Variants in GRID2 observed in about 807,000 individuals in gnomAD.
The protein encoded by GRID2 is glutamate ionotropic receptor delta type subunit 2.
Under a neutral mutation model 114.8 loss-of-function variants are expected in GRID2, and 33 were observed. The ratio of observed to expected loss-of-function variants is 0.29; its 90% CI spans 0.22 to 0.38. The LOEUF is 0.38. Among genes scored for constraint, GRID2 ranks in the 10% least tolerant of loss-of-function variants. The pLI, the probability that GRID2 is intolerant of heterozygous loss-of-function variation, is 1.00. For missense variants in GRID2, 1,184 were observed against 1,257.7 expected, an observed-to-expected ratio of 0.94 and a Z score of 0.89; for synonymous variants, 505 against 449.9, an observed-to-expected ratio of 1.12 and a Z score of -1.55.
intron 12 of GRID2, among the ~76,000 whole-genome samples, chr4:93,513,434 T>C (rs114239650): frequency 1.3e-5 from 2 of 152,340 alleles, no homozygotes; most frequent in South Asian, 2.1e-4. Context: ...AAGATAATTA[T>C]GGTATGACCT....
At chr4:93,349,174 T>C (rs1760541358) in intron 8 of GRID2, among the ~76,000 whole-genome samples, 2 of 152,108 alleles carry the variant, frequency 1.3e-5, no homozygotes, top group Admixed American at 6.6e-5. Context: ...ATGTCACAAA[T>C]TATATGTTCA....
intron 2 of GRID2, among the ~76,000 whole-genome samples, chr4:93,076,917 G>A (rs763427759): frequency 6.6e-6 from 1 of 151,938 alleles, no homozygotes; most frequent in Admixed American, 6.6e-5. Context: ...CAGGATTTTT[G>A]CCTAAGATCC....
intron 13 of GRID2, among the ~76,000 whole-genome samples, chr4:93,541,000 A>G (rs1732596458): frequency 6.6e-6 from 1 of 152,174 alleles, no homozygotes; most frequent in Admixed American, 6.6e-5. Context: ...GAGACTATAA[A>G]TATGCTACTC....
intron 2 of GRID2, among the ~76,000 whole-genome samples, chr4:92,848,695 G>T (rs1578301222): frequency 6.6e-6 from 1 of 151,912 alleles, no homozygotes; most frequent in African/African-American, 2.4e-5. Context: ...AGCGGGCTAC[G>T]GGGATCTGGA....
At chr4:92,858,402 A>G (rs1405029852) in intron 2 of GRID2, among the ~76,000 whole-genome samples, 1 of 152,192 alleles carries the variant, frequency 6.6e-6, no homozygotes, top group Non-Finnish European at 1.5e-5. Flanking sequence ...GTTGATTTCA[A>G]CCATCATACA....
At chr4:92,707,716 T>C (rs189835726) in intron 2 of GRID2, among the ~76,000 whole-genome samples, 54 of 152,238 alleles carry the variant, frequency 3.5e-4, no homozygotes, top group African/African-American at 1.3e-3. Flanking sequence ...AAAATAACAT[T>C]GCAAGGAAAG....
At chr4:93,736,730 A>C (rs555191829) in intron 14 of GRID2, among the ~76,000 whole-genome samples, 1 of 152,054 alleles carries the variant, frequency 6.6e-6, no homozygotes, top group Non-Finnish European at 1.5e-5. Context: ...TTTTAGAAGG[A>C]ATATTTGATT....
Position 93,490,657 on chromosome 4 carries a change from C to T in GRID2, c.1877C>T (p.Thr626Met), listed in dbSNP as rs769386426. The change falls in exon 12 of 16, where the codon ACG becomes ATG. Residue 626 changes from threonine to methionine, a missense_variant. Around this residue, in one of 3 missense-constraint regions of GRID2, gnomAD observed 717 missense variants for 796.9 expected, o/e 0.90. Coordinates refer to ENST00000282020, the MANE Select transcript of GRID2 (RefSeq NM_001510.4). The part of the protein sequence containing the change: ...FVQQGGEVPY[T>M]TLATRMMMGA... ...TCTACAGGCGGGGAAGTCCCGTACA[C>T]GACTCTGGCTACCCGAATGATGATG... The T allele has an allele frequency of 1.6e-5, 25 of 1,609,860 alleles. No individual in the cohort carries two copies. Among genetic ancestry groups the T allele is most frequent in the Middle Eastern group, 1.7e-4 (1 of 6,060 alleles).
chr4:92,563,360 C>G (rs1396306530), intron 1 of GRID2, among the ~76,000 whole-genome samples: 1 of 152,064 alleles, frequency 6.6e-6, no homozygotes, highest in African/African-American at 2.4e-5. Context: ...ATTAACTTTT[C>G]TGCCTCAGTA....
In GRID2 at chr4:92,841,226, C is replaced by G. The variant is rs187378088; in HGVS notation, c.245-243769C>G. On this transcript the variant is annotated intron_variant, in intron 2 of 15. Coordinates refer to ENST00000282020, the MANE Select transcript of GRID2 (RefSeq NM_001510.4). ...TCAGGTAAAATTCACTGATTTAAAG[C>G]CAGCTGAAATCTTTTTGTCAGAAAT... is the stretch of plus-strand genomic sequence containing the variant. Among the ~76,000 whole-genome samples, 263 of 152,118 alleles carry G rather than the reference C, an allele frequency of 1.7e-3. 1 individual carries two copies. The highest frequency in any genetic ancestry group is 6.1e-3 in the African/African-American group (254 of 41,534).
intron 13 of GRID2, among the ~76,000 whole-genome samples, chr4:93,556,462 C>T (rs796658274): frequency 2.0e-5 from 3 of 152,136 alleles, no homozygotes; most frequent in Non-Finnish European, 2.9e-5. Flanking sequence ...GTGCAGCATA[C>T]ACAAGTATCA....
intron 2 of GRID2, among the ~76,000 whole-genome samples, chr4:92,999,351 C>T (rs1043009361): frequency 5.9e-5 from 9 of 151,756 alleles, no homozygotes; most frequent in Non-Finnish European, 8.9e-5. Context: ...CCCAGTTTGC[C>T]TGGAACTTTC....
intron 4 of GRID2, among the ~76,000 whole-genome samples, chr4:93,145,250 C>A (rs60425899): frequency 6.6e-6 from 1 of 151,998 alleles, no homozygotes; most frequent in Non-Finnish European, 1.5e-5. Context: ...AATGAAAACT[C>A]TGTTACGAAG....
At chr4:92,819,607 A>G (rs888369492) in intron 2 of GRID2, among the ~76,000 whole-genome samples, 1 of 152,012 alleles carries the variant, frequency 6.6e-6, no homozygotes, top group African/African-American at 2.4e-5. Flanking sequence ...AGTTTAATTA[A>G]TGGTCATTCT....
chr4:92,487,987 C>T (rs1722974372), intron 1 of GRID2, among the ~76,000 whole-genome samples: 1 of 152,066 alleles, frequency 6.6e-6, no homozygotes, highest in Non-Finnish European at 1.5e-5. Flanking sequence ...TGTTTTTCCT[C>T]TTTCTGATTC....
chr4:93,514,402 C>T (rs1407546974), intron 12 of GRID2, among the ~76,000 whole-genome samples: 1 of 148,994 alleles, frequency 6.7e-6, no homozygotes, highest in East Asian at 2.0e-4. Context: ...AAATAGAAAT[C>T]GCTCCCCCCA....
chr4:93,268,439 A>T (rs571622440), intron 8 of GRID2, among the ~76,000 whole-genome samples: 1 of 152,234 alleles, frequency 6.6e-6, no homozygotes, highest in East Asian at 1.9e-4. Flanking sequence ...TTGGGGTTAG[A>T]GCTTCAACAT....
exon 2 of GRID2, chr4:93,809,648 G>A (rs758833963): frequency 1.4e-4 from 22 of 152,082 alleles, no homozygotes; most frequent in African/African-American, 2.2e-4. Context: ...GGGAAAAATC[G>A]ATTCATTGTT....
At chr4:93,028,919 A>G (rs1413235314) in intron 2 of GRID2, among the ~76,000 whole-genome samples, 1 of 152,076 alleles carries the variant, frequency 6.6e-6, no homozygotes, top group African/African-American at 2.4e-5. Flanking sequence ...GTGATTACTT[A>G]AGGAAAATTT....
Sources: gnomAD v4.1 joint callset for allele counts (sites outside exome capture counted in the v4.1 genomes callset) on GRCh38, gnomAD v4.1.1 for gene constraint, gnomAD v4.1.1 regional missense constraint, MANE v1.5 for transcripts, NCBI Gene and HGNC (gene_info 2026-07-23, HGNC 2026-07-21) for gene names.